STAB2: variants seen among roughly 807,000 people sequenced by gnomAD.
The protein encoded by STAB2 is stabilin-2.
STAB2 carries 288 observed loss-of-function variants against 338.1 expected under a neutral mutation model. The ratio of observed to expected loss-of-function variants is 0.85; its 90% CI spans 0.77 to 0.94. The LOEUF (loss-of-function observed/expected upper bound fraction) is 0.94, where lower values mean the gene tolerates loss of function less well. Ranked by LOEUF, STAB2 falls within the 40% of genes least tolerant of loss-of-function variation. STAB2 has a pLI of 0.00. For missense variants in STAB2, 3,141 were observed against 3,210.1 expected (o/e 0.98, Z 0.52); for synonymous variants, 1,202 against 1,193.3 (o/e 1.01, Z -0.15).
intron 24 of STAB2, among the ~76,000 whole-genome samples, chr12:103,676,981 C>G (rs975276478): frequency 6.6e-6 from 1 of 152,174 alleles, no homozygotes; most frequent in Non-Finnish European, 1.5e-5. Context: ...AGCTCCGTAT[C>G]TTGTATCCCT....
chr12:103,611,559 C>T (rs1481346354), intron 3 of STAB2, among the ~76,000 whole-genome samples: 1 of 152,114 alleles, frequency 6.6e-6, no homozygotes, highest in African/African-American at 2.4e-5. Context: ...TCCTCCATCC[C>T]TTTATTTTGA....
chr12:103,743,953 G>T lies in STAB2; in HGVS notation c.6032-1220G>T, dbSNP rs1882793274. The stretch of plus-strand genomic sequence containing the variant: ...TGTGACAGGAGGCCAGCAAAGGGTT[G>T]TGAACAGAGGGATGTTGTGAAGAGA... On this transcript the variant is annotated intron_variant, in intron 56 of 68. Coordinates refer to ENST00000388887, the MANE Select transcript of STAB2 (RefSeq NM_017564.10). 2.6e-5 allele frequency among the ~76,000 whole-genome samples: 4 copies of T among 152,174 alleles called. No individual in the cohort carries two copies. In the South Asian group the frequency reaches 8.3e-4, roughly 32 times the overall value.
Position 103,662,917 on chromosome 12 carries a change from A to T in STAB2, c.1941A>T (p.Thr647=). 1 of 1,614,200 alleles carries T rather than the reference A, an allele frequency of 6.2e-7. No individual in the cohort carries two copies. Among genetic ancestry groups the T allele is most frequent in the Non-Finnish European group, 8.5e-7 (1 of 1,180,032 alleles). The change falls in exon 18 of 69, where the codon ACA becomes ACT. Residue 647 remains threonine, a synonymous_variant. Coordinates refer to ENST00000388887, the MANE Select transcript of STAB2 (RefSeq NM_017564.10). ...EITAKNGRIY[T]LTGVLIPPSI... ...CTGCCAAAAATGGCCGAATTTACAC[A>T]CTGACAGGAGTTCTCATTCCTCCCT...
chr12:103,728,958 C>T lies in STAB2; in HGVS notation c.5045C>T (p.Ser1682Phe). ...ENLKLISNAT[S>F]LQGEPIVISV... is the part of the protein sequence containing the mutation. ...CTGAAATTGATCTCAAATGCTACTT[C>T]CCTCCAAGGAGAGCCAATAGTCATC... Residue 1682 changes from serine (S) to phenylalanine (F), a missense_variant, in exon 48 of 69, where the codon TCC (serine) becomes TTC (phenylalanine). Physicochemically the swap from Ser to Phe is radical, Grantham distance 155. Transcript: ENST00000388887. 6.2e-7 allele frequency: 1 copy of T among 1,613,988 alleles called. No homozygotes were observed.
At chr12:103,640,399 G>C in intron 9 of STAB2, 143 bp downstream of exon 9, 1 of 1,020,476 alleles carries the variant, frequency 9.8e-7, no homozygotes, top group South Asian at 1.8e-5. Context: ...AGCAAGGATT[G>C]TAGTAGGTAC....
At chr12:103,608,150 G>A (rs1252991663) in intron 3 of STAB2, among the ~76,000 whole-genome samples, 1 of 151,940 alleles carries the variant, frequency 6.6e-6, no homozygotes, top group Non-Finnish European at 1.5e-5. Context: ...ATGATGAGCA[G>A]TGATGATGAG....
At chr12:103,597,281 C>T (rs1352850625) in intron 3 of STAB2, among the ~76,000 whole-genome samples, 1 of 152,228 alleles carries the variant, frequency 6.6e-6, no homozygotes, top group Admixed American at 6.5e-5. Flanking sequence ...AAGGCCATTT[C>T]AGAGCTGCTG....
At chr12:103,713,375 G>T (rs10861076) in intron 41 of STAB2, among the ~76,000 whole-genome samples, 18,311 of 152,148 alleles carry the variant, frequency 0.12, 2,187 homozygotes, top group African/African-American at 0.31. Context: ...ATCTTACCCT[G>T]GGGATTCTCC....
In STAB2 at chr12:103,692,830, G is replaced by T; in HGVS notation, c.3316G>T (p.Ala1106Ser). The change falls in exon 31 of 69, where the codon GCC becomes TCC. Residue 1106 changes from alanine (A) to serine (S), a missense_variant. Coordinates refer to ENST00000388887, the MANE Select transcript of STAB2 (RefSeq NM_017564.10). Reference protein sequence around the residue: ...KVDGNITIEGASIVDGDNAAT... With the variant: ...KVDGNITIEGSSIVDGDNAAT... ...TTTACAGAATATCACAATTGAAGGGGCCTCCATTGTCGATGGGGACAACGC... is the reference window on the plus strand; with the variant it reads ...TTTACAGAATATCACAATTGAAGGGTCCTCCATTGTCGATGGGGACAACGC... 6.2e-7 allele frequency: 1 copy of T among 1,613,536 alleles called. No individual in the cohort carries two copies. Among genetic ancestry groups the T allele is most frequent in the Non-Finnish European group, 8.5e-7 (1 of 1,179,624 alleles).
intron 3 of STAB2, among the ~76,000 whole-genome samples, chr12:103,604,268 T>C (rs1318313900): frequency 6.6e-6 from 1 of 152,136 alleles, no homozygotes; most frequent in Non-Finnish European, 1.5e-5. Context: ...CAGTTGGCTA[T>C]AATGTTGTTT....
chr12:103,658,778 A>G (rs899241321), intron 15 of STAB2, among the ~76,000 whole-genome samples: 1 of 152,110 alleles, frequency 6.6e-6, no homozygotes, highest in Non-Finnish European at 1.5e-5. Flanking sequence ...TATGCCCCAC[A>G]CTGCACTTGC....
chr12:103,738,743 T>G (rs866263900), intron 53 of STAB2, among the ~76,000 whole-genome samples: 2 of 152,316 alleles, frequency 1.3e-5, no homozygotes, highest in Middle Eastern at 3.4e-3. Flanking sequence ...AAACTAAGGC[T>G]CAAATAGTAT....
At chr12:103,704,935 C>G (rs1879212609) in intron 36 of STAB2, 1 of 202,224 alleles carries the variant, frequency 4.9e-6, no homozygotes, top group Admixed American at 6.0e-5. Context: ...GATTCCATAT[C>G]CAAAACCATA....
chr12:103,715,997 GC>G (rs1880283028), intron 43 of STAB2, 109 bp downstream of exon 43: 3 of 1,173,042 alleles, frequency 2.6e-6, no homozygotes, highest in Non-Finnish European at 3.7e-6. Flanking sequence ...AAGAGCTGCA[GC>G]TGAAAATAAA....
At chr12:103,708,928 G>A (rs1243113598) in intron 39 of STAB2, among the ~76,000 whole-genome samples, 1 of 152,144 alleles carries the variant, frequency 6.6e-6, no homozygotes, top group East Asian at 1.9e-4. Context: ...GTTACAGTAT[G>A]ACCATGCTAC....
chr12:103,632,581 G>A (rs1957479897), intron 6 of STAB2, among the ~76,000 whole-genome samples: 1 of 152,148 alleles, frequency 6.6e-6, no homozygotes, highest in South Asian at 2.1e-4. Flanking sequence ...TGTCTATGTC[G>A]AGAGGGCTGT....
rs758072673 is a variant in STAB2 at position 103,712,383 on chromosome 12, G to A, written c.4351G>A (p.Asp1451Asn). ...HTSANCLTNS[D>N]GTASCKCAAG... is the part of the protein sequence containing the mutation. ...TTGTTGCAGCTGCCTCACCAACTCA[G>A]ATGGTACAGCTTCATGCAAGTGTGC... is the stretch of plus-strand genomic sequence containing the variant. The change falls in exon 41 of 69, where the codon GAT (aspartate) becomes AAT (asparagine). Residue 1451 changes from aspartate to asparagine, a missense_variant. Transcript: ENST00000388887. 18 of 1,614,090 alleles carry A rather than the reference G, an allele frequency of 1.1e-5. No homozygotes were observed. The South Asian group carries it at 1.9e-4, about 17-fold the overall frequency.
At chr12:103,687,369 G>T (rs567789745) in intron 27 of STAB2, among the ~76,000 whole-genome samples, 3 of 151,530 alleles carry the variant, frequency 2.0e-5, no homozygotes, top group East Asian at 1.9e-4. Context: ...AAATGTCACT[G>T]CTCTGCCAGC....
chr12:103,757,268 T>A (rs1226693498), intron 63 of STAB2, among the ~76,000 whole-genome samples: 1 of 151,786 alleles, frequency 6.6e-6, no homozygotes, highest in Non-Finnish European at 1.5e-5. Flanking sequence ...TTTAACTTTT[T>A]GTAGAGATGG....
Sources: gnomAD v4.1 joint callset for allele counts (sites outside exome capture counted in the v4.1 genomes callset) on GRCh38, gnomAD v4.1.1 for gene constraint, MANE v1.5 for transcripts, NCBI Gene and HGNC (gene_info 2026-07-23, HGNC 2026-07-21) for gene names.